Variants in DLG2 observed in about 807,000 individuals in gnomAD.
DLG2 encodes the protein discs large MAGUK scaffold protein 2, also known as disks large homolog 2.
DLG2 carries 45 observed loss-of-function variants against 132.5 expected under a neutral mutation model. That is an observed-to-expected ratio of 0.34 (90% CI 0.27 to 0.44). The LOEUF (loss-of-function observed/expected upper bound fraction) is 0.44, where lower values mean the gene tolerates loss of function less well. DLG2 is among the 20% of genes least tolerant of loss of function. DLG2 has a pLI of 1.00. For synonymous variants in DLG2, 424 were observed against 419.6 expected (o/e 1.01, Z -0.13); for missense variants, 1,045 against 1,196.9 (o/e 0.87, Z 1.87).
chr11:83,627,211 TTTA>T (rs2062690710), intron 19 of DLG2, among the ~76,000 whole-genome samples: 1 of 151,880 alleles, frequency 6.6e-6, no homozygotes, highest in East Asian at 1.9e-4. Context: ...TTTATTTTAT[TTTA>T]TTATTATTAT....
chr11:83,892,269 G>A (rs1368135069), intron 15 of DLG2, among the ~76,000 whole-genome samples: 1 of 152,138 alleles, frequency 6.6e-6, no homozygotes, highest in Non-Finnish European at 1.5e-5. Flanking sequence ...ATTTGATCCA[G>A]TAAAGTGAAA....
At chr11:85,621,033 G>T (rs113882309) in intron 2 of DLG2, among the ~76,000 whole-genome samples, 100 of 152,266 alleles carry the variant, frequency 6.6e-4, no homozygotes, top group African/African-American at 2.3e-3. Flanking sequence ...GAATGTAGCT[G>T]GTGACTTTAC....
chr11:83,500,604 G>C (rs1161366752), intron 21 of DLG2, among the ~76,000 whole-genome samples: 1 of 152,056 alleles, frequency 6.6e-6, no homozygotes, highest in African/African-American at 2.4e-5. Flanking sequence ...CATTAAAGCT[G>C]ATGGAGCTTT....
At chr11:85,556,911 G>A (rs1278140699) in intron 3 of DLG2, among the ~76,000 whole-genome samples, 1 of 151,690 alleles carries the variant, frequency 6.6e-6, no homozygotes, top group Non-Finnish European at 1.5e-5. Context: ...TGTGATATTT[G>A]TCTCTTGAAA....
At chr11:84,302,398 TATG>T (rs1027665142) in intron 7 of DLG2, among the ~76,000 whole-genome samples, 6 of 152,170 alleles carry the variant, frequency 3.9e-5, no homozygotes, top group African/African-American at 1.2e-4. Flanking sequence ...ATGTTCACAA[TATG>T]ATGTTAATTT....
At chr11:84,922,758 CT>C (rs1226169840) in intron 6 of DLG2, among the ~76,000 whole-genome samples, 1 of 152,096 alleles carries the variant, frequency 6.6e-6, no homozygotes, top group East Asian at 1.9e-4. Context: ...TGCTTTATAG[CT>C]TTTTACCTTC....
At chr11:83,907,149 A>T (rs1276694108) in intron 15 of DLG2, among the ~76,000 whole-genome samples, 2 of 152,166 alleles carry the variant, frequency 1.3e-5, no homozygotes, top group Admixed American at 6.6e-5. Context: ...CTTGAGAAAG[A>T]AGAAATGAGA....
intron 6 of DLG2, among the ~76,000 whole-genome samples, chr11:84,710,997 C>CATATATAT (rs201024808): frequency 9.5e-4 from 91 of 96,094 alleles, no homozygotes; most frequent in Admixed American, 2.3e-3. Flanking sequence ...CAAGTACATT[C>CATATATAT]ATATATATAT....
intron 7 of DLG2, among the ~76,000 whole-genome samples, chr11:84,398,871 G>A (rs189207459): frequency 6.6e-6 from 1 of 152,232 alleles, no homozygotes; most frequent in Non-Finnish European, 1.5e-5. Context: ...GAATTACTGT[G>A]GACTCAAAAC....
At chr11:84,293,021 T>C (rs1360950954) in intron 7 of DLG2, among the ~76,000 whole-genome samples, 2 of 152,250 alleles carry the variant, frequency 1.3e-5, no homozygotes, top group East Asian at 1.9e-4. Context: ...AGGTTTAAAG[T>C]TGGTCAGTGA....
intron 6 of DLG2, among the ~76,000 whole-genome samples, chr11:85,012,567 T>C (rs1399484640): frequency 6.6e-6 from 1 of 151,950 alleles, no homozygotes; most frequent in Non-Finnish European, 1.5e-5. Flanking sequence ...TAATTACAAA[T>C]ATAATTATTA....
chr11:83,464,597 C>A (rs1001855253), intron 26 of DLG2, among the ~76,000 whole-genome samples: 9 of 152,204 alleles, frequency 5.9e-5, no homozygotes, highest in African/African-American at 1.9e-4. Flanking sequence ...TGAAGTCCAG[C>A]CTTTAGTACA....
rs1257066215 is a variant in DLG2, at chr11:84,805,452, T to C, written c.358-270721A>G. 3.3e-5 allele frequency among the ~76,000 whole-genome samples: 5 copies of C among 152,196 alleles called. No individual in the cohort carries two copies. In the South Asian group the frequency reaches 6.2e-4, roughly 19 times the overall value. Reference sequence around the variant, plus strand: ...GATCTGCGTCTCCACCCAAATCTCATGTTCAACTGTAATCTCCAGTGTTGA... The same window carrying C: ...GATCTGCGTCTCCACCCAAATCTCACGTTCAACTGTAATCTCCAGTGTTGA... On this transcript the variant is annotated intron_variant, in intron 6 of 27. Coordinates refer to ENST00000376104, the MANE Select transcript of DLG2 (RefSeq NM_001142699.3).
intron 3 of DLG2, among the ~76,000 whole-genome samples, chr11:85,372,141 G>T (rs970882406): frequency 7.9e-5 from 12 of 152,168 alleles, no homozygotes; most frequent in African/African-American, 2.4e-4. Flanking sequence ...TAAAGGGATG[G>T]GTAATATAAA....
chr11:85,471,221 G>A (rs547629708), intron 3 of DLG2, among the ~76,000 whole-genome samples: 2 of 152,290 alleles, frequency 1.3e-5, no homozygotes, highest in South Asian at 4.1e-4. Context: ...AACGAATGCA[G>A]TTATTGATGT....
chr11:84,513,380 C>A (rs899173088), intron 7 of DLG2, among the ~76,000 whole-genome samples: 1 of 151,956 alleles, frequency 6.6e-6, no homozygotes, highest in East Asian at 1.9e-4. Context: ...ATAGCCAAAA[C>A]TATCCTGAGT....
chr11:83,550,938 A>C (rs1055681095), intron 19 of DLG2, among the ~76,000 whole-genome samples: 1 of 152,206 alleles, frequency 6.6e-6, no homozygotes, highest in Non-Finnish European at 1.5e-5. Context: ...AAGAAGAAAT[A>C]ACCTGGCATG....
At chr11:84,526,580 G>T (rs1565194966) in intron 7 of DLG2, among the ~76,000 whole-genome samples, 1 of 152,106 alleles carries the variant, frequency 6.6e-6, no homozygotes, top group African/African-American at 2.4e-5. Context: ...TTGAGAGACA[G>T]AGAGAGAGCA....
In DLG2 at chr11:85,157,941, G is replaced by C. The variant is rs1246920055; in HGVS notation, c.187-3290C>G. Among the ~76,000 whole-genome samples the C allele has an allele frequency of 2.6e-5, 4 of 151,792 alleles. No homozygotes were observed. In the East Asian group the frequency reaches 7.7e-4, roughly 29 times the overall value. On this transcript the variant is annotated intron_variant, in intron 4 of 27. Transcript: ENST00000376104. Reference sequence around the variant, plus strand: ...CATTAGCCTTTCCACCGTTGTCTGAGGAGATAAACCCCGCACTGCCTGAGA... The same window carrying C: ...CATTAGCCTTTCCACCGTTGTCTGACGAGATAAACCCCGCACTGCCTGAGA...
Sources: gnomAD v4.1 joint callset for allele counts (sites outside exome capture counted in the v4.1 genomes callset) on GRCh38, gnomAD v4.1.1 for gene constraint, MANE v1.5 for transcripts, NCBI Gene and HGNC (gene_info 2026-07-23, HGNC 2026-07-21) for gene names.